The following ASH1L variants were observed in gnomAD, a reference collection of about 807,000 sequenced individuals.
ASH1L encodes the protein ASH1 like histone lysine methyltransferase.
Under a neutral mutation model 269.0 loss-of-function variants are expected in ASH1L, and 23 were observed. The observed-to-expected ratio is 0.09, with a 90% CI of 0.06 to 0.12. The LOEUF (loss-of-function observed/expected upper bound fraction) is 0.12. Among genes scored for constraint, ASH1L ranks in the 10% least tolerant of loss-of-function variants. The pLI, the probability that ASH1L is intolerant of heterozygous loss-of-function variation, is 1.00. For missense variants in ASH1L, 2,912 were observed against 3,567.8 expected (o/e 0.82, Z 4.68); for synonymous variants, 1,187 against 1,253.5 (o/e 0.95, Z 1.12).
intron 2 of ASH1L, among the ~76,000 whole-genome samples, chr1:155,498,526 C>G (rs1334854370): frequency 2.0e-5 from 3 of 152,122 alleles, no homozygotes; most frequent in Non-Finnish European, 2.9e-5. Flanking sequence ...ACCGCAACCT[C>G]TGCCTCCCGG....
rs1652330301 is a variant in ASH1L, at chr1:155,336,502, A to C, written c.*1158T>G. 2 of 152,592 alleles carry C rather than the reference A, an allele frequency of 1.3e-5. No homozygotes were observed. Among genetic ancestry groups the C allele is most frequent in the Admixed American group, 1.3e-4 (2 of 15,256 alleles). The allele number at this position is 152,592 out of a possible 1,614,324, so 9.5% of individuals were successfully genotyped here. On this transcript the variant is annotated 3_prime_UTR_variant, in exon 28 of 28. Coordinates refer to ENST00000392403, the MANE Select transcript of ASH1L (RefSeq NM_018489.3). ...ATATGTATGTCTGAAAAGACAACAAAGCTTTTTAAATTTTATTTTTAAAGA... is the reference window on the plus strand; with the variant it reads ...ATATGTATGTCTGAAAAGACAACAACGCTTTTTAAATTTTATTTTTAAAGA...
intron 10 of ASH1L, 30 bp from the exon 11 acceptor site, chr1:155,371,013 A>T: frequency 6.2e-7 from 1 of 1,604,794 alleles, no homozygotes. Context: ...CTGTACATCA[A>T]CTTACATGAT....
At chr1:155,446,293 T>G (rs1465555187) in intron 4 of ASH1L, among the ~76,000 whole-genome samples, 1 of 150,950 alleles carries the variant, frequency 6.6e-6, no homozygotes, top group Non-Finnish European at 1.5e-5. Flanking sequence ...TTCAATTAAT[T>G]AATTAAATTT....
intron 2 of ASH1L, among the ~76,000 whole-genome samples, chr1:155,490,641 C>CACACAT (rs1262931009): frequency 6.6e-6 from 1 of 150,770 alleles, no homozygotes. Context: ...CACACACACA[C>CACACAT]ACATACACAC....
intron 1 of ASH1L, among the ~76,000 whole-genome samples, chr1:155,532,917 GTATA>G (rs1297139677): frequency 6.8e-6 from 1 of 146,604 alleles, no homozygotes; most frequent in Non-Finnish European, 1.5e-5. Flanking sequence ...GTATGTATGT[GTATA>G]TATGTGTGCA....
chr1:155,490,654 A>ACACACACACACACT (rs1345649483), intron 2 of ASH1L, among the ~76,000 whole-genome samples: 2 of 148,252 alleles, frequency 1.3e-5, no homozygotes, highest in African/African-American at 5.0e-5. Flanking sequence ...ATACACACAC[A>ACACACACACACACT]CTCTCTCTCT....
chr1:155,340,265 T>C (rs374814286), intron 25 of ASH1L, among the ~76,000 whole-genome samples: 2 of 152,088 alleles, frequency 1.3e-5, no homozygotes, highest in African/African-American at 4.8e-5. Context: ...CTCACTGCAA[T>C]CTCTGCCTCT....
intron 4 of ASH1L, among the ~76,000 whole-genome samples, chr1:155,446,892 C>T (rs960273148): frequency 3.9e-5 from 6 of 152,138 alleles, no homozygotes; most frequent in African/African-American, 7.2e-5. Flanking sequence ...CGTGAGCCAC[C>T]GCGCCCGGCG....
intron 1 of ASH1L, among the ~76,000 whole-genome samples, chr1:155,525,313 T>C (rs776988476): frequency 6.6e-6 from 1 of 152,022 alleles, no homozygotes; most frequent in Non-Finnish European, 1.5e-5. Context: ...ATCTTCTCCA[T>C]GATGGGCTCA....
At chr1:155,537,960 TTCAG>T (rs1670166900) in intron 1 of ASH1L, among the ~76,000 whole-genome samples, 1 of 152,144 alleles carries the variant, frequency 6.6e-6, no homozygotes, top group Non-Finnish European at 1.5e-5. Context: ...ATTCCTTAGG[TTCAG>T]TCAGTCTTTT....
rs1200301790 is a variant in ASH1L, at chr1:155,343,435, G to A, written c.8172C>T (p.His2724=). 4 of 1,614,090 alleles carry A rather than the reference G, an allele frequency of 2.5e-6. No individual in the cohort carries two copies. Among genetic ancestry groups the A allele is most frequent in the Non-Finnish European group, 3.4e-6 (4 of 1,180,034 alleles). The change falls in exon 24 of 28, where the codon CAC becomes CAT. Residue 2724 remains histidine (H), a synonymous_variant. Coordinates refer to ENST00000392403, the MANE Select transcript of ASH1L (RefSeq NM_018489.3). The surrounding 1 kb of genome is among the most constrained non-coding windows in gnomAD (Gnocchi z 6.1). ...GHHYFRPHET[H]HSPSRRFYHN... is the part of the protein sequence containing the mutation. ...GATAGAACCGACGGGATGGAGAGTG[G>A]TGTGTTTCGTGGGGACGGAAATAAT... is the stretch of plus-strand genomic sequence containing the variant.
chr1:155,357,260 C>A (rs1654500941), intron 15 of ASH1L, 56 bp downstream of exon 15: 1 of 1,397,514 alleles, frequency 7.2e-7, no homozygotes, highest in African/African-American at 1.4e-5. Context: ...ATTTTTTACA[C>A]AGATAAGCAA....
intron 2 of ASH1L, among the ~76,000 whole-genome samples, chr1:155,499,106 A>G (rs1329679212): frequency 2.6e-5 from 4 of 152,136 alleles, no homozygotes. Context: ...CCCAAATTCT[A>G]TCCTCATTAT....
chr1:155,392,804 T>C (rs1227285618), intron 7 of ASH1L, among the ~76,000 whole-genome samples: 1 of 152,082 alleles, frequency 6.6e-6, no homozygotes, highest in Non-Finnish European at 1.5e-5. Flanking sequence ...TAGCCTGATG[T>C]AATCTACTCT....
chr1:155,411,586 A>AATAAATATATATATATATATATATATAT (rs1297131961), intron 6 of ASH1L, among the ~76,000 whole-genome samples: 40 of 55,068 alleles, frequency 7.3e-4, no homozygotes, highest in Non-Finnish European at 8.3e-4. Flanking sequence ...TAAATAAATA[A>AATAAATATATATATATATATATATATAT]ATATATATAT....
At chr1:155,403,648 C>T (rs1049874023) in intron 6 of ASH1L, among the ~76,000 whole-genome samples, 1 of 151,918 alleles carries the variant, frequency 6.6e-6, no homozygotes. Context: ...TCAGTATTAG[C>T]CCAGACTAAT....
At chr1:155,520,781 G>A (rs889191384) in intron 2 of ASH1L, among the ~76,000 whole-genome samples, 6 of 152,096 alleles carry the variant, frequency 3.9e-5, no homozygotes, top group Non-Finnish European at 8.8e-5. Context: ...AGAACTGCTT[G>A]AACCCAGAAG....
intron 6 of ASH1L, among the ~76,000 whole-genome samples, chr1:155,410,761 G>A (rs943272093): frequency 4.6e-5 from 7 of 150,986 alleles, no homozygotes; most frequent in African/African-American, 1.5e-4. Context: ...GAGCCACTGC[G>A]TCTGGCCTGA....
At chr1:155,474,860 G>A (rs1665413873) in intron 3 of ASH1L, among the ~76,000 whole-genome samples, 1 of 152,126 alleles carries the variant, frequency 6.6e-6, no homozygotes, top group Non-Finnish European at 1.5e-5. Context: ...TACTGCAATT[G>A]CCTATTAACC....
Sources: allele counts gnomAD v4.1 joint callset (sites outside exome capture counted in the v4.1 genomes callset), GRCh38; gene constraint gnomAD v4.1.1; non-coding constraint Gnocchi (gnomAD v3.1); transcripts MANE v1.5; gene names NCBI Gene and HGNC (gene_info 2026-07-23, HGNC 2026-07-21).